Variants in NEDD4L observed in about 807,000 individuals in gnomAD.
NEDD4L encodes the protein E3 ubiquitin-protein ligase NEDD4-like.
A neutral mutation model predicts 148.9 loss-of-function variants in NEDD4L; 54 were observed. That is an observed-to-expected ratio of 0.36 (90% CI 0.29 to 0.45). The LOEUF (loss-of-function observed/expected upper bound fraction) is 0.45. Ranked by LOEUF, NEDD4L falls within the 20% of genes least tolerant of loss-of-function variation. The pLI, the probability that NEDD4L is intolerant of heterozygous loss-of-function variation, is 1.00. For synonymous variants in NEDD4L, 433 were observed against 440.7 expected (o/e 0.98, Z 0.22); for missense variants, 856 against 1,233.8 (o/e 0.69, Z 4.59).
chr18:58,155,063 T>G (rs939728050), intron 1 of NEDD4L, among the ~76,000 whole-genome samples: 4 of 152,208 alleles, frequency 2.6e-5, no homozygotes, highest in Non-Finnish European at 5.9e-5. Context: ...AGATGGCCTT[T>G]TAGAAATCTA....
chr18:58,196,867 G>A (rs1310568902), intron 2 of NEDD4L, among the ~76,000 whole-genome samples: 1 of 152,072 alleles, frequency 6.6e-6, no homozygotes, highest in African/African-American at 2.4e-5. Flanking sequence ...CAATGAGAAA[G>A]TCTCAGGCTG....
intron 1 of NEDD4L, among the ~76,000 whole-genome samples, chr18:58,098,006 G>A (rs1175250471): frequency 1.3e-5 from 2 of 152,180 alleles, no homozygotes; most frequent in Non-Finnish European, 2.9e-5. Context: ...TGCAGCCTGC[G>A]CGACAGAGTG....
chr18:58,195,331 G>A (rs2040535621), intron 2 of NEDD4L: 2 of 955,536 alleles, frequency 2.1e-6, no homozygotes, highest in Non-Finnish European at 2.7e-6. Flanking sequence ...GCTTTTTTGT[G>A]TCTCTTGAAT....
chr18:58,227,314 A>G (rs1007368806), intron 2 of NEDD4L, among the ~76,000 whole-genome samples: 9 of 152,230 alleles, frequency 5.9e-5, no homozygotes, highest in African/African-American at 2.2e-4. Flanking sequence ...AGAAAAAAGC[A>G]GACCCCGGAG....
At chr18:58,360,696 A>G (rs1444825858) in intron 19 of NEDD4L, among the ~76,000 whole-genome samples, 3 of 152,038 alleles carry the variant, frequency 2.0e-5, no homozygotes, top group Middle Eastern at 3.4e-3. Flanking sequence ...CTACGTCTGT[A>G]GACTCTCCTT....
At chr18:58,128,281 A>G (rs772085723) in intron 1 of NEDD4L, among the ~76,000 whole-genome samples, 1 of 152,164 alleles carries the variant, frequency 6.6e-6, no homozygotes, top group African/African-American at 2.4e-5. Flanking sequence ...TCCTGGCCTC[A>G]GGTGATCCAC....
At chr18:58,122,329 G>A (rs993876061) in intron 1 of NEDD4L, among the ~76,000 whole-genome samples, 6 of 152,102 alleles carry the variant, frequency 3.9e-5, no homozygotes, top group South Asian at 4.1e-4. Flanking sequence ...GTGAAACCCC[G>A]TCTCTACTAA....
intron 1 of NEDD4L, among the ~76,000 whole-genome samples, chr18:58,096,347 A>ATTTATTTTATTTTATTTTATTTTAT (rs149430952): frequency 2.6e-5 from 3 of 116,274 alleles, no homozygotes; most frequent in African/African-American, 1.0e-4. Flanking sequence ...ATTTTATTTT[A>ATTTATTTTATTTTATTTTATTTTAT]TTTATTTTAT....
intron 1 of NEDD4L, among the ~76,000 whole-genome samples, chr18:58,072,148 C>T (rs552485406): frequency 2.0e-5 from 3 of 151,992 alleles, no homozygotes; most frequent in Non-Finnish European, 4.4e-5. Context: ...AACCTTCCAC[C>T]AAAAAATACT....
In NEDD4L at chr18:58,335,470, A is replaced by T. The variant is rs752517409; in HGVS notation, c.1066-8A>T. On this transcript the variant is annotated splice_region_variant and splice_polypyrimidine_tract_variant and intron_variant, in intron 12 of 30. Transcript: ENST00000400345. ...GTGCATTTCACTGATGTAAATTATCATTCACAGCCCAGTGCCCCAGCTGGG... is the reference window on the plus strand; with the variant it reads ...GTGCATTTCACTGATGTAAATTATCTTTCACAGCCCAGTGCCCCAGCTGGG... The T allele has an allele frequency of 2.0e-5, 33 of 1,612,580 alleles. No individual in the cohort carries two copies. Among genetic ancestry groups the T allele is most frequent in the Non-Finnish European group, 2.8e-5 (33 of 1,178,834 alleles).
At chr18:58,258,623 C>A (rs2048919933) in intron 5 of NEDD4L, among the ~76,000 whole-genome samples, 1 of 152,140 alleles carries the variant, frequency 6.6e-6, no homozygotes, top group African/African-American at 2.4e-5. Flanking sequence ...AATATAAATT[C>A]TGGAATAAAG....
chr18:58,092,547 T>C (rs899754852), intron 1 of NEDD4L, among the ~76,000 whole-genome samples: 1 of 151,950 alleles, frequency 6.6e-6, no homozygotes, highest in Non-Finnish European at 1.5e-5. Context: ...GGTACGAAAG[T>C]TGTATGAGGA....
At chr18:58,221,488 C>G (rs1239525708) in intron 2 of NEDD4L, 1 of 950,244 alleles carries the variant, frequency 1.1e-6, no homozygotes, top group African/African-American at 1.8e-5. Context: ...ACGCAACCCC[C>G]TTTTCCACCA....
chr18:58,067,996 G>A (rs1402469538), intron 1 of NEDD4L, among the ~76,000 whole-genome samples: 1 of 152,130 alleles, frequency 6.6e-6, no homozygotes, highest in Non-Finnish European at 1.5e-5. Context: ...GTCTCCCTCT[G>A]TCACCCAGGC....
intron 1 of NEDD4L, among the ~76,000 whole-genome samples, chr18:58,139,885 C>G (rs2033303829): frequency 6.6e-6 from 1 of 152,116 alleles, no homozygotes; most frequent in African/African-American, 2.4e-5. Flanking sequence ...ATGAGTCAGG[C>G]AGGTGAGATG....
chr18:58,239,511 G>A (rs1318843312), intron 2 of NEDD4L, among the ~76,000 whole-genome samples: 4 of 151,826 alleles, frequency 2.6e-5, no homozygotes, highest in Admixed American at 6.6e-5. Context: ...CTCCCCTTAC[G>A]ACCCTGCCCC....
chr18:58,351,701 G>A (rs1415241112), intron 18 of NEDD4L, among the ~76,000 whole-genome samples: 2 of 151,932 alleles, frequency 1.3e-5, no homozygotes, highest in East Asian at 1.9e-4. Context: ...GTTCTTCATG[G>A]AATCATATTT....
chr18:58,332,316 TA>T (rs1372099103), intron 11 of NEDD4L, among the ~76,000 whole-genome samples: 2 of 152,176 alleles, frequency 1.3e-5, no homozygotes, highest in African/African-American at 4.8e-5. Context: ...TCAAATCGGA[TA>T]TTTGCTCATT....
At chr18:58,250,938 A>T (rs1321625328) in intron 4 of NEDD4L, among the ~76,000 whole-genome samples, 1 of 152,168 alleles carries the variant, frequency 6.6e-6, no homozygotes, top group Non-Finnish European at 1.5e-5. Flanking sequence ...GGTTTTGGTA[A>T]GGAAAAGGAA....
Sources: gnomAD v4.1 joint callset for allele counts (sites outside exome capture counted in the v4.1 genomes callset) on GRCh38, gnomAD v4.1.1 for gene constraint, MANE v1.5 for transcripts, NCBI Gene and HGNC (gene_info 2026-07-23, HGNC 2026-07-21) for gene names.